The following CFTR variants were observed in gnomAD, a reference collection of about 807,000 sequenced individuals.
CFTR encodes cystic fibrosis transmembrane conductance regulator.
Under a neutral mutation model 171.6 loss-of-function variants are expected in CFTR, and 181 were observed. The ratio of observed to expected loss-of-function variants is 1.05; its 90% CI spans 0.93 to 1.19. The LOEUF (loss-of-function observed/expected upper bound fraction) is 1.19, where lower values mean the gene tolerates loss of function less well. Among genes scored for constraint, CFTR ranks in the 50% most tolerant of loss-of-function variants. CFTR has a pLI of 0.00. For missense variants in CFTR, 1,968 were observed against 1,734.7 expected (o/e 1.13, Z -2.39); for synonymous variants, 583 against 608.0 (o/e 0.96, Z 0.60).
At chr7:117,510,751 T>C (rs929742578) in intron 3 of CFTR, among the ~76,000 whole-genome samples, 1 of 152,206 alleles carries the variant, frequency 6.6e-6, no homozygotes, top group Non-Finnish European at 1.5e-5. Flanking sequence ...TATAGAATTT[T>C]TTTTGGTCTG....
chr7:117,536,513 T>TGG, intron 6 of CFTR, 35 bp from the exon 7 acceptor site: 1 of 1,539,726 alleles, frequency 6.5e-7, no homozygotes, highest in Non-Finnish European at 8.7e-7. Context: ...TTTTTACTAT[T>TGG]AGATTGATTG....
chr7:117,580,168 A>T (rs937092541), intron 11 of CFTR, among the ~76,000 whole-genome samples: 1 of 152,058 alleles, frequency 6.6e-6, no homozygotes. Flanking sequence ...GAGAAAAGAA[A>T]AAATGTTTTT....
At chr7:117,545,809 T>TA (rs201338760) in intron 9 of CFTR, among the ~76,000 whole-genome samples, 2 of 151,796 alleles carry the variant, frequency 1.3e-5, no homozygotes, top group African/African-American at 4.8e-5. Flanking sequence ...TTTTTTTTTT[T>TA]AATCACATAT....
chr7:117,497,942 A>G (rs1444391483), intron 1 of CFTR, among the ~76,000 whole-genome samples: 1 of 152,156 alleles, frequency 6.6e-6, no homozygotes, highest in African/African-American at 2.4e-5. Context: ...GAAGCAAAAA[A>G]GAAAATATCT....
intron 3 of CFTR, among the ~76,000 whole-genome samples, chr7:117,521,504 T>C (rs1798686197): frequency 6.6e-6 from 1 of 152,258 alleles, no homozygotes; most frequent in Non-Finnish European, 1.5e-5. Flanking sequence ...TGGAAACATA[T>C]TGAAATTTTA....
intron 10 of CFTR, among the ~76,000 whole-genome samples, chr7:117,558,884 C>T (rs1004218934): frequency 2.0e-5 from 3 of 152,044 alleles, no homozygotes; most frequent in African/African-American, 4.8e-5. Flanking sequence ...TTTTTCAACT[C>T]GAATTCTGCC....
chr7:117,603,410 G>A (rs1792254250), intron 16 of CFTR, 122 bp from the exon 17 acceptor site: 1 of 994,168 alleles, frequency 1.0e-6, no homozygotes, highest in African/African-American at 1.6e-5. Context: ...GGTTAAGGGT[G>A]CATGCTCTTC....
rs185183134 is a variant in CFTR at position 117,555,618 on chromosome 7, A to C, written c.1393-3846A>C. Among the ~76,000 whole-genome samples, 145 of 152,334 alleles carry C rather than the reference A, an allele frequency of 9.5e-4. 2 individuals are homozygous for C. Among genetic ancestry groups the C allele is most frequent in the African/African-American group, 3.4e-3 (140 of 41,574 alleles). Reference sequence around the variant, plus strand: ...CCATACAAAGTGCCACTAGTGATGCACGGAAAAGTTGTAACAGTACAAGAA... The same window carrying C: ...CCATACAAAGTGCCACTAGTGATGCCCGGAAAAGTTGTAACAGTACAAGAA... On this transcript the variant is annotated intron_variant, in intron 10 of 26. Coordinates refer to ENST00000003084, the MANE Select transcript of CFTR (RefSeq NM_000492.4).
chr7:117,606,713 T>G lies in CFTR; in HGVS notation c.2948T>G (p.Leu983Trp). Residue 983 changes from leucine to tryptophan, a missense_variant, in exon 18 of 27, where the codon TTG becomes TGG. By Grantham distance (61) the Leu-to-Trp change is moderately conservative. Coordinates refer to ENST00000003084, the MANE Select transcript of CFTR (RefSeq NM_000492.4). Reference sequence around the variant, plus strand: ...AGATTCTCCAAAGATATAGCAATTTTGGATGACCTTCTGCCTCTTACCATA... The same window carrying G: ...AGATTCTCCAAAGATATAGCAATTTGGGATGACCTTCTGCCTCTTACCATA... Reference protein sequence around the residue: ...LNRFSKDIAILDDLLPLTIFD... With the variant: ...LNRFSKDIAIWDDLLPLTIFD... 6.3e-7 allele frequency: 1 copy of G among 1,594,976 alleles called. No individual in the cohort carries two copies. Among genetic ancestry groups the G allele is most frequent in the Non-Finnish European group, 8.6e-7 (1 of 1,162,830 alleles).
At chr7:117,642,034 C>T (rs1792922801) in intron 22 of CFTR, among the ~76,000 whole-genome samples, 2 of 152,280 alleles carry the variant, frequency 1.3e-5, no homozygotes, top group Non-Finnish European at 1.5e-5. Context: ...ATTTTTAAGT[C>T]GTATCCACTT....
At chr7:117,499,462 T>TGTGTGTGTG (rs1554375131) in intron 1 of CFTR, among the ~76,000 whole-genome samples, 11 of 149,266 alleles carry the variant, frequency 7.4e-5, no homozygotes, top group African/African-American at 9.9e-5. Context: ...TGTGTGTGTG[T>TGTGTGTGTG]TTAAAAAATC....
chr7:117,561,258 A>G (rs189036547), intron 11 of CFTR, among the ~76,000 whole-genome samples: 2 of 152,214 alleles, frequency 1.3e-5, no homozygotes, highest in Admixed American at 1.3e-4. Context: ...TGTGAATCAT[A>G]TATCAATAGG....
Position 117,552,326 on chromosome 7 carries a change from A to G in CFTR, c.1392+3503A>G, listed in dbSNP as rs529781287. On this transcript the variant is annotated intron_variant, in intron 10 of 26. Coordinates refer to ENST00000003084, the MANE Select transcript of CFTR (RefSeq NM_000492.4). The stretch of plus-strand genomic sequence containing the variant: ...CATATATATATTTTTAACCTGGATT[A>G]TCAGAGCTATATTGTGTTTAGGTTT... Among the ~76,000 whole-genome samples the G allele has an allele frequency of 3.3e-5, 5 of 152,190 alleles. 1 individual carries two copies. Among genetic ancestry groups the G allele is most frequent in the African/African-American group, 1.2e-4 (5 of 41,522 alleles).
chr7:117,611,853 T>C lies in CFTR; in HGVS notation c.3367+45T>C, dbSNP rs369353024. On this transcript the variant is annotated intron_variant, in intron 20 of 26. Coordinates refer to ENST00000003084, the MANE Select transcript of CFTR (RefSeq NM_000492.4). ...TTTAGCTAAGCATTTAAGTAAAAAA[T>C]TTTCAATGAATAAAATGCTGCATTC... The C allele has an allele frequency of 3.9e-4, 521 of 1,348,928 alleles. No individual in the cohort carries two copies. Among genetic ancestry groups the C allele is most frequent in the Non-Finnish European group, 5.3e-4 (501 of 949,446 alleles). The allele number at this position is 1,348,928 out of a possible 1,614,324, so 83.6% of individuals were successfully genotyped here. A position where few individuals can be genotyped will look rare whatever the true frequency, so the allele number is the denominator to read the frequency against.
At chr7:117,505,038 C>T (rs1798392423) in intron 2 of CFTR, among the ~76,000 whole-genome samples, 1 of 152,082 alleles carries the variant, frequency 6.6e-6, no homozygotes, top group Non-Finnish European at 1.5e-5. Flanking sequence ...AAGGTAATGG[C>T]TACTGGTTAT....
chr7:117,482,573 CTT>C (rs1229077676), intron 1 of CFTR, among the ~76,000 whole-genome samples: 1 of 151,958 alleles, frequency 6.6e-6, no homozygotes, highest in Non-Finnish European at 1.5e-5. Context: ...TAAATTGAAA[CTT>C]TTATGAAAAT....
At chr7:117,493,823 G>A (rs1190780986) in intron 1 of CFTR, among the ~76,000 whole-genome samples, 2 of 152,014 alleles carry the variant, frequency 1.3e-5, no homozygotes, top group Non-Finnish European at 1.5e-5. Context: ...CCAATTCCAT[G>A]TTTAGTTTGA....
intron 11 of CFTR, among the ~76,000 whole-genome samples, chr7:117,571,018 T>A (rs1328658928): frequency 1.3e-5 from 2 of 152,232 alleles, no homozygotes; most frequent in Non-Finnish European, 2.9e-5. Context: ...TTTTTCCAGA[T>A]CTTCTCCCAA....
chr7:117,512,652 A>G (rs1445826734), intron 3 of CFTR, among the ~76,000 whole-genome samples: 4 of 151,310 alleles, frequency 2.6e-5, no homozygotes, highest in Non-Finnish European at 4.4e-5. Flanking sequence ...AAAAAAAAAA[A>G]AAGACTCCTA....
Sources: gnomAD v4.1 joint callset for allele counts (sites outside exome capture counted in the v4.1 genomes callset) on GRCh38, gnomAD v4.1.1 for gene constraint, MANE v1.5 for transcripts, NCBI Gene and HGNC (gene_info 2026-07-23, HGNC 2026-07-21) for gene names.